RANBP17: variants seen among roughly 807,000 people sequenced by gnomAD.
The protein encoded by RANBP17 is RAN binding protein 17.
Under a neutral mutation model 141.2 loss-of-function variants are expected in RANBP17, and 158 were observed. The observed-to-expected ratio is 1.12, with a 90% CI of 0.98 to 1.28. RANBP17 has a LOEUF of 1.28. RANBP17 is among the 50% of genes most tolerant of loss of function. The pLI, the probability that RANBP17 is intolerant of heterozygous loss-of-function variation, is 0.00. For synonymous variants in RANBP17, 430 were observed against 450.0 expected (o/e 0.96, Z 0.56); for missense variants, 1,438 against 1,290.7 (o/e 1.11, Z -1.75).
At chr5:171,090,595 C>T (rs1001552465) in intron 14 of RANBP17, among the ~76,000 whole-genome samples, 3 of 152,086 alleles carry the variant, frequency 2.0e-5, no homozygotes, top group African/African-American at 4.8e-5. Context: ...GAAAATGTCT[C>T]CAGGTCATGT....
chr5:171,251,402 A>G (rs1289174080), intron 24 of RANBP17, among the ~76,000 whole-genome samples: 1 of 152,180 alleles, frequency 6.6e-6, no homozygotes, highest in Non-Finnish European at 1.5e-5. Flanking sequence ...AAAAATTGAA[A>G]TCATATCAGG....
rs113545803 is a variant in RANBP17 at position 171,285,752 on chromosome 5, A to G, written c.2944-8131A>G. Among the ~76,000 whole-genome samples the G allele has an allele frequency of 7.5e-3, 1,148 of 152,344 alleles. 6 individuals carry two copies. The highest frequency in any genetic ancestry group is 0.011 in the East Asian group (57 of 5,186). ...GACTCACAGTGGTGTAGTGTAGTCA[A>G]TTTTGTTGCTGTTGCTCCACAGTAC... On this transcript the variant is annotated intron_variant, in intron 25 of 27. Transcript: ENST00000523189.
At chr5:171,213,063 C>T (rs971184893) in intron 20 of RANBP17, among the ~76,000 whole-genome samples, 4 of 152,128 alleles carry the variant, frequency 2.6e-5, no homozygotes, top group Non-Finnish European at 4.4e-5. Context: ...CCCAGATATT[C>T]CTTGGAGCTA....
At chr5:171,189,705 T>G (rs1242186366) in intron 18 of RANBP17, among the ~76,000 whole-genome samples, 1 of 152,218 alleles carries the variant, frequency 6.6e-6, no homozygotes, top group African/African-American at 2.4e-5. Flanking sequence ...AGTCTCTTGT[T>G]GCTCTCTGTT....
intron 3 of RANBP17, among the ~76,000 whole-genome samples, chr5:170,890,020 A>T (rs2127379546): frequency 6.6e-6 from 1 of 152,274 alleles, no homozygotes; most frequent in Non-Finnish European, 1.5e-5. Context: ...TAATGAATTT[A>T]TTAGCCCTAG....
intron 14 of RANBP17, among the ~76,000 whole-genome samples, chr5:171,023,570 A>G (rs985481509): frequency 2.0e-5 from 3 of 152,170 alleles, no homozygotes; most frequent in African/African-American, 7.2e-5. Context: ...CTTTTTTTCT[A>G]GGTGAAAAAT....
chr5:171,250,531 A>C (rs1290289924), intron 24 of RANBP17, among the ~76,000 whole-genome samples: 1 of 152,232 alleles, frequency 6.6e-6, no homozygotes, highest in Non-Finnish European at 1.5e-5. Context: ...CCAGTTAAAA[A>C]GATATAGAAT....
intron 12 of RANBP17, among the ~76,000 whole-genome samples, chr5:170,934,092 G>A (rs1773650858): frequency 1.3e-5 from 2 of 152,126 alleles, no homozygotes; most frequent in Non-Finnish European, 2.9e-5. Context: ...ATGAATCTGG[G>A]TGCTCCTGTA....
intron 16 of RANBP17, among the ~76,000 whole-genome samples, chr5:171,172,437 T>G (rs1760163014): frequency 6.6e-6 from 1 of 151,754 alleles, no homozygotes; most frequent in Non-Finnish European, 1.5e-5. Flanking sequence ...CTGTCTAGGC[T>G]GTTTTTCCTT....
intron 13 of RANBP17, among the ~76,000 whole-genome samples, chr5:170,957,025 G>C (rs377384946): frequency 1.3e-5 from 2 of 150,832 alleles, no homozygotes. Context: ...AGCCGAGATC[G>C]TGCCACTGCA....
At chr5:171,252,162 GAC>G in intron 24 of RANBP17, 1 of 1,588,054 alleles carries the variant, frequency 6.3e-7, no homozygotes, top group Non-Finnish European at 8.6e-7. Flanking sequence ...TGAGCTTTTT[GAC>G]AACTACATGC....
chr5:170,973,873 C>T (rs1006163948), intron 14 of RANBP17, among the ~76,000 whole-genome samples: 1 of 152,146 alleles, frequency 6.6e-6, no homozygotes, highest in African/African-American at 2.4e-5. Flanking sequence ...TCTCTCAGAC[C>T]ACTTATGAGG....
chr5:171,071,482 T>C (rs1784629413), intron 14 of RANBP17, among the ~76,000 whole-genome samples: 1 of 151,850 alleles, frequency 6.6e-6, no homozygotes, highest in Admixed American at 6.6e-5. Flanking sequence ...GTCAAGCCAG[T>C]GGGGTCCTGG....
At chr5:170,950,003 C>T (rs1460006928) in intron 12 of RANBP17, among the ~76,000 whole-genome samples, 1 of 151,972 alleles carries the variant, frequency 6.6e-6, no homozygotes, top group Non-Finnish European at 1.5e-5. Flanking sequence ...GGAAAGGATA[C>T]CCTCTTTAAT....
At chr5:170,895,164 C>A (rs371171202) in intron 4 of RANBP17, among the ~76,000 whole-genome samples, 20 of 152,098 alleles carry the variant, frequency 1.3e-4, no homozygotes, top group African/African-American at 4.6e-4. Flanking sequence ...AATTGTGAGA[C>A]CTTTTTTTGT....
chr5:170,907,036 T>G (rs1771123979), intron 5 of RANBP17, among the ~76,000 whole-genome samples: 1 of 151,968 alleles, frequency 6.6e-6, no homozygotes, highest in Admixed American at 6.6e-5. Flanking sequence ...AGTAGGGAGA[T>G]CTATAATGCA....
At chr5:171,106,298 A>G (rs1046724375) in intron 14 of RANBP17, among the ~76,000 whole-genome samples, 2 of 152,082 alleles carry the variant, frequency 1.3e-5, no homozygotes, top group Non-Finnish European at 2.9e-5. Context: ...ATTGATATCT[A>G]TTCTGGGCCT....
At chr5:171,017,410 C>T (rs908910587) in intron 14 of RANBP17, among the ~76,000 whole-genome samples, 1 of 152,162 alleles carries the variant, frequency 6.6e-6, no homozygotes, top group African/African-American at 2.4e-5. Flanking sequence ...CCCTCGCCAG[C>T]ATCTATTGTT....
chr5:171,064,874 A>G (rs1784203991), intron 14 of RANBP17, among the ~76,000 whole-genome samples: 1 of 152,174 alleles, frequency 6.6e-6, no homozygotes, highest in South Asian at 2.1e-4. Context: ...TCAATTTAAA[A>G]AAAAAAAATC....
Sources: allele counts gnomAD v4.1 joint callset (sites outside exome capture counted in the v4.1 genomes callset), GRCh38; gene constraint gnomAD v4.1.1; transcripts MANE v1.5; gene names NCBI Gene and HGNC (gene_info 2026-07-23, HGNC 2026-07-21).